MRPS28: variants seen among roughly 807,000 people sequenced by gnomAD.
The protein encoded by MRPS28 is mitochondrial ribosomal protein S28.
A neutral mutation model predicts 10.8 loss-of-function variants in MRPS28; 7 were observed. The ratio of observed to expected loss-of-function variants is 0.65; its 90% CI spans 0.37 to 1.22. The LOEUF is 1.22. Ranked by LOEUF, MRPS28 falls within the 50% of genes most tolerant of loss-of-function variation. The pLI is 0.02. For synonymous variants in MRPS28, 121 were observed against 93.3 expected (o/e 1.30, Z -1.71); for missense variants, 265 against 232.9 (o/e 1.14, Z -0.90).
intron 2 of MRPS28, among the ~76,000 whole-genome samples, chr8:79,981,245 G>A (rs150366218): frequency 2.6e-5 from 4 of 152,204 alleles, no homozygotes; most frequent in Middle Eastern, 3.4e-3. Context: ...TGGGTGAATC[G>A]CTTGAACCCA....
At chr8:79,921,654 G>A in intron 2 of MRPS28, among the ~76,000 whole-genome samples, 1 of 152,180 alleles carries the variant, frequency 6.6e-6, no homozygotes. Context: ...CTTTGCTGAA[G>A]TTTCTTATCA....
At chr8:79,961,698 C>T (rs1003585325) in intron 2 of MRPS28, among the ~76,000 whole-genome samples, 4 of 152,064 alleles carry the variant, frequency 2.6e-5, no homozygotes, top group African/African-American at 4.8e-5. Context: ...ACGTTCTTTC[C>T]CAATCAGGGC....
intron 1 of MRPS28, among the ~76,000 whole-genome samples, chr8:80,015,107 G>A (rs1809160710): frequency 1.3e-5 from 2 of 152,154 alleles, no homozygotes; most frequent in Admixed American, 1.3e-4. Flanking sequence ...GAGAGACTCA[G>A]TTATTGGGGA....
chr8:79,978,292 T>G lies in MRPS28; in HGVS notation c.395+24707A>C, dbSNP rs534054789. Reference sequence around the variant, plus strand: ...GTTTTTTAATTCTTTTACAAAAGATTATTGCAACAAAAAGATGTTAAAATT... The same window carrying G: ...GTTTTTTAATTCTTTTACAAAAGATGATTGCAACAAAAAGATGTTAAAATT... On this transcript the variant is annotated intron_variant, in intron 2 of 2. Coordinates refer to ENST00000276585, the MANE Select transcript of MRPS28 (RefSeq NM_014018.3). Among the ~76,000 whole-genome samples, 8 of 152,252 alleles carry G rather than the reference T, an allele frequency of 5.3e-5. No individual in the cohort carries two copies. In the East Asian group the frequency reaches 1.5e-3, roughly 29 times the overall value.
At position 80,003,056 on chromosome 8, in the gene MRPS28, T is replaced by C; in HGVS notation, c.338A>G (p.Tyr113Cys). Residue 113 changes from tyrosine to cysteine, a missense_variant, in exon 2 of 3, where the codon TAC (tyrosine) becomes TGC (cysteine). Transcript: ENST00000276585. ...ATGAAACTTTCCACCAAAATCTATG[T>C]ACAGATCATTCTCCACAATATGAAA... is the stretch of plus-strand genomic sequence containing the variant. ...RIFHIVENDLYIDFGGKFHCV... is the reference protein window; with the variant it reads ...RIFHIVENDLCIDFGGKFHCV... The C allele has an allele frequency of 1.2e-6, 2 of 1,612,268 alleles. No individual in the cohort carries two copies. Among genetic ancestry groups the C allele is most frequent in the Non-Finnish European group, 8.5e-7 (1 of 1,179,574 alleles).
chr8:80,009,196 T>C (rs1365890105), intron 1 of MRPS28, among the ~76,000 whole-genome samples: 1 of 152,082 alleles, frequency 6.6e-6, no homozygotes, highest in African/African-American at 2.4e-5. Flanking sequence ...AAACACCTCA[T>C]GTTCTTACTC....
chr8:80,016,853 T>C (rs972326834), intron 1 of MRPS28, among the ~76,000 whole-genome samples: 3 of 152,178 alleles, frequency 2.0e-5, no homozygotes, highest in Non-Finnish European at 4.4e-5. Context: ...TCATTACAGT[T>C]GGAGACTTTA....
At chr8:79,986,504 A>G (rs1808180962) in intron 2 of MRPS28, among the ~76,000 whole-genome samples, 1 of 152,240 alleles carries the variant, frequency 6.6e-6, no homozygotes, top group Non-Finnish European at 1.5e-5. Context: ...TGCAGATGAC[A>G]TGATTGTATA....
chr8:79,937,018 G>A (rs1400824362), intron 2 of MRPS28, among the ~76,000 whole-genome samples: 5 of 151,966 alleles, frequency 3.3e-5, no homozygotes, highest in South Asian at 4.2e-4. Context: ...CTGCCACCAC[G>A]CCCCGCTAAT....
chr8:79,963,399 G>A (rs934805705), intron 2 of MRPS28, among the ~76,000 whole-genome samples: 2 of 151,944 alleles, frequency 1.3e-5, no homozygotes, highest in South Asian at 2.1e-4. Context: ...CCATGGGGGC[G>A]GTAACCAGAT....
chr8:79,979,440 T>C (rs1035473432), intron 2 of MRPS28, among the ~76,000 whole-genome samples: 1 of 152,120 alleles, frequency 6.6e-6, no homozygotes, highest in African/African-American at 2.4e-5. Context: ...ACCAATTAAA[T>C]GAAAACTGAA....
chr8:80,003,845 T>C (rs34807150), intron 1 of MRPS28, among the ~76,000 whole-genome samples: 116,866 of 152,166 alleles, frequency 0.77, 45,408 homozygotes, highest in African/African-American at 0.88. Context: ...CTATATCCCA[T>C]GCCTGGCTTG....
intron 2 of MRPS28, among the ~76,000 whole-genome samples, chr8:79,920,125 G>A (rs988974097): frequency 2.4e-4 from 36 of 151,970 alleles, no homozygotes; most frequent in African/African-American, 6.5e-4. Context: ...TGAACTCATC[G>A]TTTTTTATGG....
chr8:79,974,223 T>C (rs1036703081), intron 2 of MRPS28, among the ~76,000 whole-genome samples: 7 of 152,106 alleles, frequency 4.6e-5, no homozygotes, highest in African/African-American at 7.2e-5. Flanking sequence ...AGCACCCTCA[T>C]AGAAATCTTT....
At chr8:79,941,476 T>G (rs533379629) in intron 2 of MRPS28, among the ~76,000 whole-genome samples, 1 of 152,296 alleles carries the variant, frequency 6.6e-6, no homozygotes, top group Non-Finnish European at 1.5e-5. Context: ...TTCCCCTACT[T>G]AAATAATTAT....
intron 1 of MRPS28, among the ~76,000 whole-genome samples, chr8:80,013,802 GTTTC>G (rs1723133969): frequency 6.6e-6 from 1 of 151,934 alleles, no homozygotes; most frequent in African/African-American, 2.4e-5. Flanking sequence ...AATAACTTTT[GTTTC>G]TTTAACACTA....
intron 2 of MRPS28, among the ~76,000 whole-genome samples, chr8:79,952,754 A>G (rs1013885031): frequency 3.3e-5 from 5 of 152,168 alleles, no homozygotes; most frequent in African/African-American, 4.8e-5. Context: ...GCCTCTCTTG[A>G]GAGCTACCTA....
intron 2 of MRPS28, among the ~76,000 whole-genome samples, chr8:79,998,624 A>G (rs1309501348): frequency 6.6e-6 from 1 of 152,232 alleles, no homozygotes; most frequent in African/African-American, 2.4e-5. Context: ...TCCCAGAGCT[A>G]TAATACATAA....
chr8:79,949,914 G>A lies in MRPS28; in HGVS notation c.396-30766C>T, dbSNP rs148727970. On this transcript the variant is annotated intron_variant, in intron 2 of 2. Transcript: ENST00000276585. ...CAACAGGACAACTAAAAAGGTTTTCGTTACTTTAAATAAACTTTTCTTCCC... is the reference window on the plus strand; with the variant it reads ...CAACAGGACAACTAAAAAGGTTTTCATTACTTTAAATAAACTTTTCTTCCC... Among the ~76,000 whole-genome samples, 594 of 152,056 alleles carry A rather than the reference G, an allele frequency of 3.9e-3. 16 individuals are homozygous for A. Among genetic ancestry groups the A allele is most frequent in the Admixed American group, 0.032 (489 of 15,280 alleles).
Sources: gnomAD v4.1 joint callset for allele counts (sites outside exome capture counted in the v4.1 genomes callset) on GRCh38, gnomAD v4.1.1 for gene constraint, MANE v1.5 for transcripts, NCBI Gene and HGNC (gene_info 2026-07-23, HGNC 2026-07-21) for gene names.